SDK1: variants seen among roughly 807,000 people sequenced by gnomAD.
The protein encoded by SDK1 is sidekick cell adhesion molecule 1.
In SDK1, 157 loss-of-function variants were observed where a neutral mutation model predicts 245.5. That is an observed-to-expected ratio of 0.64 (90% confidence interval 0.56 to 0.73). The LOEUF is 0.73. SDK1 is among the 30% of genes least tolerant of loss of function. SDK1 has a pLI of 0.00. For synonymous variants in SDK1, 1,647 were observed against 1,278.5 expected (o/e 1.29, Z -6.15); for missense variants, 3,583 against 3,002.3 (o/e 1.19, Z -4.52).
chr7:4,102,853 G>C (rs1172185642), intron 22 of SDK1, among the ~76,000 whole-genome samples: 1 of 151,856 alleles, frequency 6.6e-6, no homozygotes, highest in East Asian at 1.9e-4. Context: ...TCCCCTAATG[G>C]GCCTGAAGGA....
chr7:3,377,406 A>T (rs956067644), intron 1 of SDK1, among the ~76,000 whole-genome samples: 1 of 152,106 alleles, frequency 6.6e-6, no homozygotes, highest in Non-Finnish European at 1.5e-5. Flanking sequence ...TAAATGGAGG[A>T]TGGACTGCAG....
intron 4 of SDK1, among the ~76,000 whole-genome samples, chr7:3,658,035 G>C (rs1393398981): frequency 6.6e-6 from 1 of 152,188 alleles, no homozygotes; most frequent in Non-Finnish European, 1.5e-5. Flanking sequence ...TGGGCCCCGT[G>C]ATGCTTGGTG....
chr7:3,434,252 T>C (rs1050422878), intron 1 of SDK1, among the ~76,000 whole-genome samples: 3 of 152,222 alleles, frequency 2.0e-5, no homozygotes, highest in African/African-American at 7.2e-5. Flanking sequence ...AATCATGTTT[T>C]AAAATTCTTC....
intron 16 of SDK1, among the ~76,000 whole-genome samples, chr7:4,013,399 A>C (rs1358829582): frequency 1.3e-5 from 2 of 152,220 alleles, no homozygotes; most frequent in African/African-American, 4.8e-5. Flanking sequence ...TGTTCATTTT[A>C]CCAGTGATAT....
intron 1 of SDK1, among the ~76,000 whole-genome samples, chr7:3,529,081 C>T (rs1783252974): frequency 6.6e-6 from 1 of 151,998 alleles, no homozygotes; most frequent in African/African-American, 2.4e-5. Context: ...TTATCATCAA[C>T]AGATAAGGGA....
chr7:3,726,276 A>G (rs926700902), intron 4 of SDK1, among the ~76,000 whole-genome samples: 7 of 152,368 alleles, frequency 4.6e-5, no homozygotes, highest in Admixed American at 4.6e-4. Flanking sequence ...CCAGATTTAG[A>G]GGTATGCTCA....
chr7:4,046,372 A>C (rs945270851), intron 17 of SDK1, among the ~76,000 whole-genome samples: 2 of 152,024 alleles, frequency 1.3e-5, no homozygotes, highest in Non-Finnish European at 2.9e-5. Context: ...TTGATATTCT[A>C]TCTGAGAAAT....
At chr7:3,969,206 T>A in intron 10 of SDK1, 51 bp from the exon 11 acceptor site, 1 of 1,454,214 alleles carries the variant, frequency 6.9e-7, no homozygotes, top group Non-Finnish European at 9.2e-7. Flanking sequence ...TATCTTCATT[T>A]CCTTCAAGCG....
At chr7:3,359,952 TTACAG>T (rs1167045256) in intron 1 of SDK1, among the ~76,000 whole-genome samples, 1 of 152,190 alleles carries the variant, frequency 6.6e-6, no homozygotes, top group East Asian at 1.9e-4. Flanking sequence ...GTTACTTTAT[TTACAG>T]CAACAGACAC....
chr7:3,799,932 G>C (rs1370568984), intron 4 of SDK1, among the ~76,000 whole-genome samples: 1 of 152,106 alleles, frequency 6.6e-6, no homozygotes, highest in Non-Finnish European at 1.5e-5. Context: ...TCTCCTGGGT[G>C]AAGTTTTGGG....
chr7:3,514,345 A>G (rs1181192642), intron 1 of SDK1, among the ~76,000 whole-genome samples: 1 of 152,230 alleles, frequency 6.6e-6, no homozygotes, highest in Admixed American at 6.5e-5. Context: ...AAGAAAAAAT[A>G]TATACTTAAA....
At chr7:3,663,960 C>T (rs1216914133) in intron 4 of SDK1, among the ~76,000 whole-genome samples, 1 of 152,162 alleles carries the variant, frequency 6.6e-6, no homozygotes, top group Non-Finnish European at 1.5e-5. Context: ...GTATGCTAGG[C>T]TTATAAATTT....
intron 5 of SDK1, among the ~76,000 whole-genome samples, chr7:3,916,371 G>T (rs1431379877): frequency 1.3e-5 from 2 of 152,224 alleles, no homozygotes; most frequent in African/African-American, 2.4e-5. Context: ...GCAGTGTTTT[G>T]CATGACTCAG....
chr7:3,458,552 T>G (rs1780737330), intron 1 of SDK1, among the ~76,000 whole-genome samples: 1 of 152,072 alleles, frequency 6.6e-6, no homozygotes. Flanking sequence ...TACTTTTTTG[T>G]ACCTTTTCTA....
Position 3,738,466 on chromosome 7 carries a change from A to G in SDK1, c.714-82984A>G, listed in dbSNP as rs151109008. Among the ~76,000 whole-genome samples, 37 of 152,304 alleles carry G rather than the reference A, an allele frequency of 2.4e-4. No homozygotes were observed. In the East Asian group the frequency reaches 7.1e-3, roughly 29 times the overall value. On this transcript the variant is annotated intron_variant, in intron 4 of 44. Transcript: ENST00000404826. Reference sequence around the variant, plus strand: ...TACTGTAGCTCTATAATTCATTTTGATATCAGGAAGTGTGGGACTTCCTAT... The same window carrying G: ...TACTGTAGCTCTATAATTCATTTTGGTATCAGGAAGTGTGGGACTTCCTAT...
chr7:3,918,623 A>C (rs545521107), intron 5 of SDK1, among the ~76,000 whole-genome samples: 1 of 152,270 alleles, frequency 6.6e-6, no homozygotes, highest in Non-Finnish European at 1.5e-5. Context: ...GGCACAATAA[A>C]TGGAATGCAC....
chr7:3,542,085 G>A (rs780874221), intron 1 of SDK1, among the ~76,000 whole-genome samples: 12 of 152,078 alleles, frequency 7.9e-5, no homozygotes, highest in Non-Finnish European at 1.2e-4. Flanking sequence ...ATATTTTAAC[G>A]TATTTCACAT....
chr7:3,395,948 A>C (rs1781885830), intron 1 of SDK1, among the ~76,000 whole-genome samples: 1 of 151,290 alleles, frequency 6.6e-6, no homozygotes, highest in South Asian at 2.1e-4. Flanking sequence ...TCTGTTTTAC[A>C]TTTCTTTAAT....
chr7:4,014,275 TTC>T (rs1192223113), intron 16 of SDK1, among the ~76,000 whole-genome samples: 1 of 152,182 alleles, frequency 6.6e-6, no homozygotes, highest in Non-Finnish European at 1.5e-5. Context: ...GACTGCACAT[TTC>T]TCTGTTTTGT....
Sources: gnomAD v4.1 joint callset for allele counts (sites outside exome capture counted in the v4.1 genomes callset) on GRCh38, gnomAD v4.1.1 for gene constraint, MANE v1.5 for transcripts, NCBI Gene and HGNC (gene_info 2026-07-23, HGNC 2026-07-21) for gene names.